The following ENPP3 variants were observed in gnomAD, a reference collection of about 807,000 sequenced individuals.
ENPP3 encodes the protein ectonucleotide pyrophosphatase/phosphodiesterase 3, also known as ectonucleotide pyrophosphatase/phosphodiesterase family member 3.
Under a neutral mutation model 117.8 loss-of-function variants are expected in ENPP3, and 104 were observed. The observed-to-expected ratio is 0.88, with a 90% CI of 0.75 to 1.04. The LOEUF is 1.04. Among genes scored for constraint, ENPP3 ranks in the 50% least tolerant of loss-of-function variants. The pLI, the probability that ENPP3 is intolerant of heterozygous loss-of-function variation, is 0.00. For missense variants in ENPP3, 1,026 were observed against 1,051.9 expected (o/e 0.98, Z 0.34); for synonymous variants, 380 against 349.9 (o/e 1.09, Z -0.96).
intron 16 of ENPP3, among the ~76,000 whole-genome samples, chr6:131,719,645 A>G (rs1286150398): frequency 6.6e-6 from 1 of 152,098 alleles, no homozygotes; most frequent in African/African-American, 2.4e-5. Flanking sequence ...ATATGTATGT[A>G]TATATACACC....
At chr6:131,668,694 T>TATTTTAAGA (rs1421237819) in intron 6 of ENPP3, among the ~76,000 whole-genome samples, 7 of 152,222 alleles carry the variant, frequency 4.6e-5, no homozygotes, top group Non-Finnish European at 8.8e-5. Flanking sequence ...AGAAGTAAAA[T>TATTTTAAGA]ACACACGTAA....
In ENPP3 at chr6:131,643,836, A is replaced by G. The variant is rs7745286; in HGVS notation, c.154+2306A>G. Among the ~76,000 whole-genome samples the G allele has an allele frequency of 4.6e-3, 701 of 152,294 alleles. 2 individuals are homozygous for G. The highest frequency in any genetic ancestry group is 0.015 in the African/African-American group (610 of 41,574). On this transcript the variant is annotated intron_variant, in intron 2 of 24. Coordinates refer to ENST00000357639, the MANE Select transcript of ENPP3 (RefSeq NM_005021.5). ...TTATATTTTAGCATGCAAGACAGAC[A>G]ATAAAAATATAAATAAACAAAATAT...
At chr6:131,672,981 C>G (rs1190417699) in intron 7 of ENPP3, among the ~76,000 whole-genome samples, 1 of 151,882 alleles carries the variant, frequency 6.6e-6, no homozygotes, top group African/African-American at 2.4e-5. Context: ...TCAATTTAGC[C>G]AGGATATTTG....
intron 22 of ENPP3, 47 bp downstream of exon 22, chr6:131,737,479 C>T (rs1433851369): frequency 9.6e-7 from 1 of 1,045,380 alleles, no homozygotes; most frequent in Non-Finnish European, 1.5e-6. Context: ...TAAGTGACTC[C>T]TTGAACTTCC....
In ENPP3 at chr6:131,637,358, A is replaced by G. The variant is rs1167565216; in HGVS notation, c.-27A>G. On this transcript the variant is annotated 5_prime_UTR_variant, in exon 1 of 25. Transcript: ENST00000357639. ...GAAGGAGCACTAATTTATTCTGATA[A>G]AACAGGTCTATGCAGCTACCAGGAC... 2.7e-6 allele frequency: 4 copies of G among 1,489,518 alleles called. No individual in the cohort carries two copies. The East Asian group carries it at 9.5e-5, about 35-fold the overall frequency. The allele number at this position is 1,489,518 out of a possible 1,614,324, so 92.3% of individuals were successfully genotyped here.
intron 20 of ENPP3, among the ~76,000 whole-genome samples, chr6:131,729,396 A>C (rs542481776): frequency 3.3e-5 from 5 of 152,356 alleles, no homozygotes; most frequent in Admixed American, 3.3e-4. Context: ...CTGTAACTTC[A>C]ATAGAAATAA....
At chr6:131,678,342 A>G (rs962088376) in intron 11 of ENPP3, among the ~76,000 whole-genome samples, 2 of 152,234 alleles carry the variant, frequency 1.3e-5, no homozygotes, top group South Asian at 2.1e-4. Flanking sequence ...CCGACAGTTC[A>G]GTTATAAGTT....
At chr6:131,696,056 G>A (rs1395124476) in intron 15 of ENPP3, among the ~76,000 whole-genome samples, 1 of 152,068 alleles carries the variant, frequency 6.6e-6, no homozygotes, top group Non-Finnish European at 1.5e-5. Context: ...ATTAGGTTAG[G>A]TCCCCTTTGT....
At chr6:131,735,235 C>T (rs1780369949) in intron 21 of ENPP3, among the ~76,000 whole-genome samples, 1 of 151,752 alleles carries the variant, frequency 6.6e-6, no homozygotes, top group Non-Finnish European at 1.5e-5. Flanking sequence ...AGTATAAATT[C>T]CAATTATTTG....
intron 15 of ENPP3, among the ~76,000 whole-genome samples, chr6:131,716,522 T>C (rs1405487257): frequency 1.3e-5 from 2 of 151,560 alleles, no homozygotes; most frequent in Non-Finnish European, 2.9e-5. Flanking sequence ...CCAAAAAACT[T>C]AGTCAAAAAA....
At chr6:131,658,754 G>A (rs1246163637) in intron 6 of ENPP3, among the ~76,000 whole-genome samples, 1 of 152,204 alleles carries the variant, frequency 6.6e-6, no homozygotes, top group African/African-American at 2.4e-5. Context: ...CCTTAGCAAG[G>A]AGAATATAGC....
At chr6:131,682,822 G>A (rs1422039511) in intron 11 of ENPP3, among the ~76,000 whole-genome samples, 13 of 152,154 alleles carry the variant, frequency 8.5e-5, no homozygotes, top group Admixed American at 8.5e-4. Context: ...TTATTGGCCA[G>A]CAGTCTATCT....
intron 6 of ENPP3, among the ~76,000 whole-genome samples, chr6:131,664,778 A>G (rs540442574): frequency 6.6e-6 from 1 of 152,350 alleles, no homozygotes; most frequent in Non-Finnish European, 1.5e-5. Context: ...GATTTGTACA[A>G]TAGACTTTAC....
intron 3 of ENPP3, 133 bp from the exon 4 acceptor site, chr6:131,652,409 T>C (rs1778281846): frequency 6.5e-6 from 6 of 929,516 alleles, no homozygotes; most frequent in African/African-American, 1.7e-5. Context: ...TTTGGTATTA[T>C]GTATTTTCAT....
intron 5 of ENPP3, among the ~76,000 whole-genome samples, chr6:131,653,469 T>G (rs1778309399): frequency 6.6e-6 from 1 of 152,132 alleles, no homozygotes; most frequent in Admixed American, 6.5e-5. Context: ...TTTAACAAAT[T>G]GATTGGAATA....
chr6:131,724,232 A>AAAAAACAAAAAAAC lies in ENPP3; in HGVS notation c.1798+146_1798+147insCAAAAAAACAAAAA, dbSNP rs1562475264. 1,795 of 608,870 alleles carry AAAAAACAAAAAAAC rather than the reference A, an allele frequency of 2.9e-3. 94 individuals carry two copies. The African/African-American group carries it at 0.032, about 11-fold the overall frequency. 37.7% of individuals were successfully genotyped at this position (608,870 alleles called of 1,614,324 possible). ...ATTGCCAATATACAAAAGGTAAAAAAAAAAAAACTCACAACAGATATAATG... is the reference window on the plus strand; with the variant it reads ...ATTGCCAATATACAAAAGGTAAAAAAAAAAACAAAAAAACAAAAAAACTCACAACAGATATAATG... On this transcript the variant is annotated intron_variant, in intron 19 of 24. Coordinates refer to ENST00000357639, the MANE Select transcript of ENPP3 (RefSeq NM_005021.5).
At chr6:131,649,598 C>T (rs1778219801) in intron 2 of ENPP3, among the ~76,000 whole-genome samples, 1 of 152,116 alleles carries the variant, frequency 6.6e-6, no homozygotes, top group South Asian at 2.1e-4. Flanking sequence ...CTTTGTCACC[C>T]AGGCTAGAGT....
chr6:131,670,828 A>G (rs146372929), intron 6 of ENPP3, among the ~76,000 whole-genome samples: 10 of 152,326 alleles, frequency 6.6e-5, no homozygotes, highest in African/African-American at 2.2e-4. Context: ...GAAAGTAAGA[A>G]TATTTTATGA....
chr6:131,679,065 CT>C (rs766274144), intron 11 of ENPP3, among the ~76,000 whole-genome samples: 3 of 126,456 alleles, frequency 2.4e-5, no homozygotes, highest in African/African-American at 3.3e-5. Flanking sequence ...TTCTTTCTTT[CT>C]TTCTTTCTTT....
Sources: gnomAD v4.1 joint callset for allele counts (sites outside exome capture counted in the v4.1 genomes callset) on GRCh38, gnomAD v4.1.1 for gene constraint, MANE v1.5 for transcripts, NCBI Gene and HGNC (gene_info 2026-07-23, HGNC 2026-07-21) for gene names.